CYP11A1: variants seen among roughly 807,000 people sequenced by gnomAD.
CYP11A1 encodes cytochrome P450 family 11 subfamily A member 1.
A neutral mutation model predicts 51.9 loss-of-function variants in CYP11A1; 25 were observed. The ratio of observed to expected loss-of-function variants is 0.48; its 90% CI spans 0.35 to 0.67. CYP11A1 has a LOEUF of 0.67. Among genes scored for constraint, CYP11A1 ranks in the 30% least tolerant of loss-of-function variants. CYP11A1 has a pLI of 0.00. For synonymous variants in CYP11A1, 245 were observed against 262.1 expected, an observed-to-expected ratio of 0.93 and a Z score of 0.63; for missense variants, 578 against 680.9, an observed-to-expected ratio of 0.85 and a Z score of 1.68.
At chr15:74,364,518 G>GC (rs2060722782) in intron 1 of CYP11A1, 1 of 152,188 alleles carries the variant, frequency 6.6e-6, no homozygotes, top group African/African-American at 2.4e-5. Flanking sequence ...GGGGGTAAAT[G>GC]CCCCACAATT....
In CYP11A1 at chr15:74,339,306, G is replaced by A. The variant is rs138177167; in HGVS notation, c.1167C>T (p.Pro389=). 1,368 of 1,614,074 alleles carry A rather than the reference G, an allele frequency of 8.5e-4. 9 individuals are homozygous for A. The highest frequency in any genetic ancestry group is 4.3e-4 in the Non-Finnish European group (506 of 1,179,918). The change falls in exon 7 of 9, where the codon CCC becomes CCT. Residue 389 remains proline (P), a synonymous_variant. Transcript: ENST00000268053. ...ASIKETLRLH[P]ISVTLQRYLV... is the part of the protein sequence containing the mutation. ...GATATCTCTGCAGGGTCACGGAGAT[G>A]GGGTGAAGTCTGCGGGAGGAGGGCA...
intron 1 of CYP11A1, among the ~76,000 whole-genome samples, chr15:74,353,690 G>A (rs1008614306): frequency 1.3e-5 from 2 of 152,242 alleles, no homozygotes; most frequent in African/African-American, 4.8e-5. Flanking sequence ...AGAAAATTTA[G>A]GGTTGGTTTC....
intron 1 of CYP11A1, chr15:74,366,175 C>T: frequency 1.0e-6 from 1 of 985,218 alleles, no homozygotes; most frequent in Non-Finnish European, 1.2e-6. Context: ...GCCCGGGCGG[C>T]GGCGTGCGCT....
intron 1 of CYP11A1, among the ~76,000 whole-genome samples, chr15:74,366,526 GC>G (rs2060734499): frequency 6.6e-6 from 1 of 150,900 alleles, no homozygotes; most frequent in South Asian, 2.1e-4. Flanking sequence ...CACCATGTTG[GC>G]CGGGTTGATC....
chr15:74,342,558 C>G (rs11638442), intron 5 of CYP11A1, among the ~76,000 whole-genome samples: 72,727 of 151,964 alleles, frequency 0.48, 19,353 homozygotes, highest in Non-Finnish European at 0.6. Flanking sequence ...GCAAATGCCT[C>G]GGCCTCCCAA....
intron 2 of CYP11A1, among the ~76,000 whole-genome samples, chr15:74,346,672 G>A (rs951808609): frequency 3.9e-5 from 6 of 152,052 alleles, no homozygotes; most frequent in Admixed American, 6.5e-5. Flanking sequence ...TTCCATTTTA[G>A]GAGAAAATGT....
chr15:74,358,663 C>T (rs1350730183), intron 1 of CYP11A1, among the ~76,000 whole-genome samples: 2 of 152,210 alleles, frequency 1.3e-5, no homozygotes, highest in African/African-American at 4.8e-5. Context: ...TAGGTAGACA[C>T]GTTCACCGGT....
rs557032774 is a variant in CYP11A1 at position 74,365,904 on chromosome 15, G to C, written c.269+1413C>G. 5 of 985,562 alleles carry C rather than the reference G, an allele frequency of 5.1e-6. No individual in the cohort carries two copies. The South Asian group carries it at 2.3e-4, about 45-fold the overall frequency. The allele number at this position is 985,562 out of a possible 1,614,324, so 61.1% of individuals were successfully genotyped here. A position where few individuals can be genotyped will look rare whatever the true frequency, so the allele number is the denominator to read the frequency against. ...GGGCCAGCGAAGCCAGTGCTCCAGC[G>C]CCCCCGTAACACCTCAAAGCGCACG... On this transcript the variant is annotated intron_variant, in intron 1 of 8. Coordinates refer to ENST00000268053, the MANE Select transcript of CYP11A1 (RefSeq NM_000781.3).
Position 74,339,751 on chromosome 15 carries a change from C to T in CYP11A1, c.993G>A (p.Thr331=), listed in dbSNP as rs565170516. 57 of 1,614,126 alleles carry T rather than the reference C, an allele frequency of 3.5e-5. 1 individual carries two copies. The highest frequency in any genetic ancestry group is 3.5e-4 in the South Asian group (32 of 91,088). Residue 331 remains threonine (T), a splice_region_variant and synonymous_variant, in exon 6 of 9, where the codon ACG becomes ACA. Transcript: ENST00000268053. ...TEMLAGGVDT[T]SMTLQWHLYE... is the part of the protein sequence containing the mutation. Reference sequence around the variant, plus strand: ...ACAAGTGCCACTGCAGGGTCATGGACGTCTGGTGGGGAGTAGGGTATACAG... The same window carrying T: ...ACAAGTGCCACTGCAGGGTCATGGATGTCTGGTGGGGAGTAGGGTATACAG...
At chr15:74,339,418 G>T (rs536323741) in intron 6 of CYP11A1, 103 bp from the exon 7 acceptor site, 3 of 1,383,224 alleles carry the variant, frequency 2.2e-6, no homozygotes, top group Admixed American at 1.8e-5. Context: ...GCAGCAGCCT[G>T]GGGGGACCTG....
chr15:74,365,905 C>A, intron 1 of CYP11A1: 1 of 985,572 alleles, frequency 1.0e-6, no homozygotes, highest in Non-Finnish European at 1.2e-6. Flanking sequence ...TGCTCCAGCG[C>A]CCCCGTAACA....
At chr15:74,365,523 G>T in intron 1 of CYP11A1, 2 of 273,636 alleles carry the variant, frequency 7.3e-6, no homozygotes, top group Non-Finnish European at 1.1e-5. Flanking sequence ...GAGGGTAACG[G>T]ATGTAGGGAG....
rs969676309 is a variant in CYP11A1, at chr15:74,361,956, T to C, written c.269+5361A>G. 3 of 1,192,256 alleles carry C rather than the reference T, an allele frequency of 2.5e-6. No homozygotes were observed. In the African/African-American group the frequency reaches 4.5e-5, roughly 18 times the overall value. 73.9% of individuals were successfully genotyped at this position (1,192,256 alleles called of 1,614,324 possible). A position where few individuals can be genotyped will look rare whatever the true frequency, so the allele number is the denominator to read the frequency against. The stretch of plus-strand genomic sequence containing the variant: ...GTCTTTGGCAAGGTGAAAGAAGGCA[T>C]GAATATTGTGGAGGCCACGGAGCGC... On this transcript the variant is annotated intron_variant, in intron 1 of 8. Transcript: ENST00000268053.
intron 2 of CYP11A1, among the ~76,000 whole-genome samples, chr15:74,346,363 AAAAAAAAAAAGAAAG>A (rs2060633232): frequency 6.6e-6 from 1 of 150,944 alleles, no homozygotes; most frequent in Admixed American, 6.6e-5. Flanking sequence ...AAAAAAAAAA[AAAAAAAAAAAGAAAG>A]AAAGAAAGAA....
chr15:74,367,498 G>A lies in CYP11A1; in HGVS notation c.88C>T (p.Leu30Phe). 7 of 1,614,186 alleles carry A rather than the reference G, an allele frequency of 4.3e-6. No homozygotes were observed. The highest frequency in any genetic ancestry group is 5.9e-6 in the Non-Finnish European group (7 of 1,180,010). Residue 30 changes from leucine to phenylalanine, a missense_variant, in exon 1 of 9, where the codon CTC becomes TTC. Coordinates refer to ENST00000268053, the MANE Select transcript of CYP11A1 (RefSeq NM_000781.3). ...GCTCCCTCGCCAGTGGGCACCCTGA[G>A]ACGCCCCAGCCCCTCCCTGGGGGCA... ...LSAPREGLGR[L>F]RVPTGEGAGI...
At chr15:74,348,092 C>T (rs1208423680) in intron 1 of CYP11A1, 37 bp from the exon 2 acceptor site, 10 of 1,609,400 alleles carry the variant, frequency 6.2e-6, no homozygotes, top group Admixed American at 1.7e-5. Flanking sequence ...TGGAAGGATC[C>T]GAGGAGAGCT....
chr15:74,366,245 C>G (rs2060732591), intron 1 of CYP11A1: 2 of 978,988 alleles, frequency 2.0e-6, no homozygotes, highest in Non-Finnish European at 2.4e-6. Context: ...CCTTTTCACT[C>G]TGTGCTCTGA....
intron 6 of CYP11A1, 114 bp from the exon 7 acceptor site, chr15:74,339,429 G>A: frequency 7.1e-7 from 1 of 1,399,648 alleles, no homozygotes; most frequent in Non-Finnish European, 1.0e-6. Flanking sequence ...GGGGGACCTG[G>A]GGGTAGGGCC....
intron 1 of CYP11A1, chr15:74,361,424 A>C (rs1567057646): frequency 3.1e-6 from 1 of 322,698 alleles, no homozygotes; most frequent in Non-Finnish European, 5.9e-6. Flanking sequence ...ACAACAACAA[A>C]AAATTAATTA....
Sources: gnomAD v4.1 joint callset for allele counts (sites outside exome capture counted in the v4.1 genomes callset) on GRCh38, gnomAD v4.1.1 for gene constraint, MANE v1.5 for transcripts, NCBI Gene and HGNC (gene_info 2026-07-23, HGNC 2026-07-21) for gene names.